The following SHROOM3 variants were observed in gnomAD, a reference collection of about 807,000 sequenced individuals.
SHROOM3 encodes the protein shroom family member 3.
SHROOM3 carries 47 observed loss-of-function variants against 138.6 expected under a neutral mutation model. That is an observed-to-expected ratio of 0.34 (90% CI 0.27 to 0.43). SHROOM3 has a LOEUF of 0.43. SHROOM3 is among the 20% of genes least tolerant of loss of function. The pLI is 1.00. For missense variants in SHROOM3, 2,491 were observed against 2,596.5 expected, an observed-to-expected ratio of 0.96 and a Z score of 0.88; for synonymous variants, 1,062 against 1,063.3, an observed-to-expected ratio of 1.00 and a Z score of 0.02.
At chr4:76,622,028 A>G (rs1233656048) in intron 2 of SHROOM3, among the ~76,000 whole-genome samples, 1 of 151,786 alleles carries the variant, frequency 6.6e-6, no homozygotes, top group Non-Finnish European at 1.5e-5. Flanking sequence ...TCGGGGTTTC[A>G]CCATGCTGGG....
chr4:76,679,081 A>T (rs981602877), intron 2 of SHROOM3, among the ~76,000 whole-genome samples: 3 of 152,262 alleles, frequency 2.0e-5, no homozygotes, highest in Non-Finnish European at 4.4e-5. Flanking sequence ...ACAATAAATA[A>T]GTGATAAGTT....
intron 1 of SHROOM3, among the ~76,000 whole-genome samples, chr4:76,438,275 C>T (rs1331429073): frequency 2.0e-5 from 3 of 152,136 alleles, no homozygotes; most frequent in Non-Finnish European, 4.4e-5. Context: ...GATATCTCAT[C>T]TTCATGGTCC....
intron 2 of SHROOM3, among the ~76,000 whole-genome samples, chr4:76,646,252 T>TATA: frequency 1.1e-5 from 1 of 87,160 alleles, no homozygotes; most frequent in South Asian, 4.7e-4. Context: ...ATATATAAAA[T>TATA]TAAAAAAAAG....
In SHROOM3 at chr4:76,741,626, G is replaced by A. The variant is rs767908842; in HGVS notation, c.3453G>A (p.Arg1151=). Reference sequence around the variant, plus strand: ...GGGAGCCCAGCCTGCAGCCCCGCAGGGAGGCCACGCTCCTGCCGGCCACAG... The same window carrying A: ...GGGAGCCCAGCCTGCAGCCCCGCAGAGAGGCCACGCTCCTGCCGGCCACAG... ...SLREPSLQPR[R]EATLLPATVA... Residue 1151 remains arginine (R), a synonymous_variant, in exon 5 of 11, where the codon AGG becomes AGA. Transcript: ENST00000296043. The surrounding 1 kb of genome is among the most constrained non-coding windows in gnomAD (Gnocchi z 6.2). 1 of 1,541,922 alleles carries A rather than the reference G, an allele frequency of 6.5e-7. No individual in the cohort carries two copies. The highest frequency in any genetic ancestry group is 1.4e-5 in the African/African-American group (1 of 73,288).
intron 1 of SHROOM3, among the ~76,000 whole-genome samples, chr4:76,488,264 A>T (rs565996794): frequency 3.3e-5 from 5 of 152,324 alleles, no homozygotes; most frequent in African/African-American, 1.2e-4. Flanking sequence ...AACGTTACAC[A>T]TAGTTGTAGT....
chr4:76,541,672 C>T (rs947525679), intron 1 of SHROOM3, among the ~76,000 whole-genome samples: 33 of 151,534 alleles, frequency 2.2e-4, no homozygotes, highest in African/African-American at 7.8e-4. Context: ...GAGTATTGCC[C>T]TTGTCACAGA....
chr4:76,607,268 TAAAC>T (rs1326708769), intron 2 of SHROOM3, among the ~76,000 whole-genome samples: 2 of 152,266 alleles, frequency 1.3e-5, no homozygotes, highest in East Asian at 1.9e-4. Context: ...GAACTGGAAA[TAAAC>T]AAAGCCAAGA....
intron 2 of SHROOM3, among the ~76,000 whole-genome samples, chr4:76,561,928 T>C (rs1481458371): frequency 6.6e-6 from 1 of 151,986 alleles, no homozygotes; most frequent in Non-Finnish European, 1.5e-5. Flanking sequence ...GAAGAATCGC[T>C]TGAACCTGGG....
chr4:76,534,161 C>G (rs7690648), intron 1 of SHROOM3, among the ~76,000 whole-genome samples: 33,894 of 152,178 alleles, frequency 0.22, 4,272 homozygotes, highest in East Asian at 0.52. Context: ...AAAGCACAAA[C>G]CCCCAAGATT....
intron 7 of SHROOM3, among the ~76,000 whole-genome samples, chr4:76,756,050 A>G (rs192495651): frequency 1.3e-5 from 2 of 152,328 alleles, no homozygotes; most frequent in East Asian, 1.9e-4. Context: ...TTCCTAGTCC[A>G]TCTTCCTCAG....
chr4:76,598,905 G>A (rs1392750094), intron 2 of SHROOM3, among the ~76,000 whole-genome samples: 4 of 152,164 alleles, frequency 2.6e-5, no homozygotes, highest in Non-Finnish European at 4.4e-5. Flanking sequence ...TTTTCAAGAT[G>A]TTAAGTCTGA....
chr4:76,685,804 C>T (rs894369234), intron 2 of SHROOM3, among the ~76,000 whole-genome samples: 2 of 151,996 alleles, frequency 1.3e-5, no homozygotes, highest in Non-Finnish European at 1.5e-5. Context: ...CATGGTGAAA[C>T]CCATCTCTAC....
chr4:76,731,687 A>G (rs1206048613), intron 4 of SHROOM3, among the ~76,000 whole-genome samples: 1 of 152,054 alleles, frequency 6.6e-6, no homozygotes, highest in Non-Finnish European at 1.5e-5. Context: ...AGGCTGAGGC[A>G]GAAGAATCGC....
chr4:76,487,301 T>G (rs1160211921), intron 1 of SHROOM3, among the ~76,000 whole-genome samples: 3 of 152,258 alleles, frequency 2.0e-5, no homozygotes, highest in African/African-American at 7.2e-5. Flanking sequence ...CCAAGTTATA[T>G]TCCACTGTAT....
In SHROOM3 at chr4:76,740,147, C is replaced by T; in HGVS notation, c.1974C>T (p.Thr658=). 1 of 1,613,926 alleles carries T rather than the reference C, an allele frequency of 6.2e-7. No homozygotes were observed. Among genetic ancestry groups the T allele is most frequent in the Non-Finnish European group, 8.5e-7 (1 of 1,180,016 alleles). The change falls in exon 5 of 11, where the codon ACC becomes ACT. Residue 658 remains threonine (T), a synonymous_variant. Transcript: ENST00000296043. This position sits in a 1 kb window ranked among gnomAD's most constrained non-coding sequence, Gnocchi z 4.0. ...GCCTGTCAGGCAACTTTGGCAAGACCAAGTCAGCCTTCTCATCTCTCCAGA... is the reference window on the plus strand; with the variant it reads ...GCCTGTCAGGCAACTTTGGCAAGACTAAGTCAGCCTTCTCATCTCTCCAGA... ...GQSLSGNFGK[T]KSAFSSLQNI...
intron 6 of SHROOM3, among the ~76,000 whole-genome samples, chr4:76,752,665 C>T (rs556455280): frequency 3.9e-5 from 6 of 152,056 alleles, no homozygotes; most frequent in Admixed American, 6.5e-5. Flanking sequence ...ATAATCACCA[C>T]GGAGAAGCAT....
chr4:76,511,280 C>A (rs2110005237), intron 1 of SHROOM3, among the ~76,000 whole-genome samples: 2 of 152,266 alleles, frequency 1.3e-5, no homozygotes, highest in South Asian at 2.1e-4. Flanking sequence ...AGGCTCTTGG[C>A]TGCCATTTGC....
intron 1 of SHROOM3, among the ~76,000 whole-genome samples, chr4:76,507,743 A>G (rs1732243265): frequency 6.6e-6 from 1 of 151,580 alleles, no homozygotes; most frequent in Non-Finnish European, 1.5e-5. Context: ...TCAGGGTTTC[A>G]CCATGTTAGC....
rs988954871 is a variant in SHROOM3 at position 76,604,152 on chromosome 4, C to A, written c.323+48389C>A. 5.3e-5 allele frequency among the ~76,000 whole-genome samples: 8 copies of A among 152,154 alleles called. No individual in the cohort carries two copies. In the East Asian group the frequency reaches 1.5e-3, roughly 29 times the overall value. ...ATCTTGTATTCTTAAGCCTGTAGAG[C>A]ATCTCAGTCTTCAGGCAGCCAAGGA... On this transcript the variant is annotated intron_variant, in intron 2 of 10. Transcript: ENST00000296043.
Sources: allele counts gnomAD v4.1 joint callset (sites outside exome capture counted in the v4.1 genomes callset), GRCh38; gene constraint gnomAD v4.1.1; non-coding constraint Gnocchi (gnomAD v3.1); transcripts MANE v1.5; gene names NCBI Gene and HGNC (gene_info 2026-07-23, HGNC 2026-07-21).